TENM2: variants seen among roughly 807,000 people sequenced by gnomAD.
TENM2 encodes teneurin transmembrane protein 2.
TENM2 carries 52 observed loss-of-function variants against 245.2 expected under a neutral mutation model. The observed-to-expected ratio is 0.21, with a 90% CI of 0.17 to 0.27. The LOEUF (loss-of-function observed/expected upper bound fraction) is 0.27. TENM2 is among the 10% of genes least tolerant of loss of function. TENM2 has a pLI of 1.00. For missense variants in TENM2, 3,046 were observed against 3,666.8 expected (o/e 0.83, Z 4.37); for synonymous variants, 1,363 against 1,438.9 (o/e 0.95, Z 1.19).
chr5:167,313,007 A>G (rs1026001503), intron 1 of TENM2, among the ~76,000 whole-genome samples: 1 of 150,874 alleles, frequency 6.6e-6, no homozygotes, highest in Admixed American at 6.6e-5. Flanking sequence ...GGTTCAAGCA[A>G]TTCTCCCACC....
chr5:167,875,129 G>C (rs1449992476), intron 2 of TENM2, among the ~76,000 whole-genome samples: 1 of 152,208 alleles, frequency 6.6e-6, no homozygotes, highest in Admixed American at 6.5e-5. Flanking sequence ...CATTCAAAGA[G>C]TAGTAAGGGC....
chr5:168,050,456 A>G (rs1395036864), intron 6 of TENM2, among the ~76,000 whole-genome samples: 1 of 152,240 alleles, frequency 6.6e-6, no homozygotes, highest in Non-Finnish European at 1.5e-5. Context: ...ATATATTGGC[A>G]ATAAGTTAAT....
chr5:167,135,735 G>T, the TENM2 span, among the ~76,000 whole-genome samples: 1 of 152,112 alleles, frequency 6.6e-6, no homozygotes, highest in African/African-American at 2.4e-5. Flanking sequence ...GGCCGAGGTT[G>T]CAGTGAGCCG....
chr5:167,729,938 A>G (rs1760298536), intron 2 of TENM2, among the ~76,000 whole-genome samples: 1 of 152,244 alleles, frequency 6.6e-6, no homozygotes, highest in Admixed American at 6.5e-5. Flanking sequence ...CCTTTTTCTT[A>G]GAACAGGATT....
At chr5:168,099,643 G>A (rs1231542113) in intron 9 of TENM2, among the ~76,000 whole-genome samples, 1 of 152,130 alleles carries the variant, frequency 6.6e-6, no homozygotes, top group Non-Finnish European at 1.5e-5. Context: ...CATTAATAAA[G>A]CTGCTCTGTA....
chr5:167,237,158 G>A, the TENM2 span, among the ~76,000 whole-genome samples: 41 of 152,018 alleles, frequency 2.7e-4, no homozygotes, highest in Non-Finnish European at 4.3e-4. Context: ...ATTTTGATCC[G>A]CGCACCTGTA....
the TENM2 span, among the ~76,000 whole-genome samples, chr5:167,154,481 A>G: frequency 5.3e-5 from 8 of 152,324 alleles, no homozygotes; most frequent in East Asian, 1.5e-3. Flanking sequence ...TTACTGCAAA[A>G]TACATTTTTT....
At chr5:168,203,751 C>G (rs1562277580) in exon 18 of TENM2, 4 of 1,613,458 alleles carry the variant, frequency 2.5e-6, no homozygotes, top group Admixed American at 1.7e-5. Context: ...AAGGACAGCC[C>G]TCCTTCAGGG....
At chr5:167,714,543 C>G (rs1582822524) in intron 2 of TENM2, among the ~76,000 whole-genome samples, 1 of 152,186 alleles carries the variant, frequency 6.6e-6, no homozygotes, top group Admixed American at 6.5e-5. Context: ...CTGGGCTTCC[C>G]AAGCCTCTGA....
intron 2 of TENM2, among the ~76,000 whole-genome samples, chr5:167,611,624 A>G (rs993255716): frequency 4.6e-5 from 7 of 152,210 alleles, no homozygotes; most frequent in African/African-American, 9.6e-5. Context: ...TTTGGCTGCT[A>G]TAACACAATG....
intron 7 of TENM2, among the ~76,000 whole-genome samples, chr5:168,063,055 C>T (rs1790185601): frequency 6.6e-6 from 1 of 152,182 alleles, no homozygotes; most frequent in Non-Finnish European, 1.5e-5. Context: ...GCTAATATCC[C>T]AACCTGATGA....
At chr5:167,382,350 C>T (rs1761141481) in intron 2 of TENM2, among the ~76,000 whole-genome samples, 2 of 152,094 alleles carry the variant, frequency 1.3e-5, no homozygotes, top group South Asian at 4.2e-4. Context: ...TGCAGTGATA[C>T]ACGAAGACCT....
chr5:167,599,462 C>A (rs928745600), intron 2 of TENM2, among the ~76,000 whole-genome samples: 17 of 152,198 alleles, frequency 1.1e-4, no homozygotes, highest in African/African-American at 4.1e-4. Flanking sequence ...TATATCTGAA[C>A]AAATCACCAA....
intron 5 of TENM2, among the ~76,000 whole-genome samples, chr5:168,008,228 G>T (rs1784972938): frequency 6.6e-6 from 1 of 152,094 alleles, no homozygotes; most frequent in Non-Finnish European, 1.5e-5. Flanking sequence ...ATTCCAGATG[G>T]GGGAACTAGC....
At chr5:167,796,897 C>T (rs572504470) in intron 2 of TENM2, among the ~76,000 whole-genome samples, 1 of 152,052 alleles carries the variant, frequency 6.6e-6, no homozygotes, top group African/African-American at 2.4e-5. Flanking sequence ...TCAGGCATGT[C>T]CTCCTTGAGG....
rs541772960 is a variant in TENM2, at chr5:167,661,728, A to ATAAT, written c.503-214255_503-214252dup. On this transcript the variant is annotated intron_variant, in intron 2 of 28. Coordinates refer to ENST00000518659, the Ensembl canonical transcript of TENM2. ...TCACTTCACCTCCGAGCGCAGGGGT[A>ATAAT]TAATTAGCTTCAGGCTTGCCTAGAG... 1.9e-3 allele frequency among the ~76,000 whole-genome samples: 294 copies of ATAAT among 151,786 alleles called. 4 individuals carry two copies. The highest frequency in any genetic ancestry group is 6.8e-3 in the African/African-American group (284 of 41,548).
intron 12 of TENM2, among the ~76,000 whole-genome samples, chr5:168,155,893 A>T (rs1757112804): frequency 2.0e-3 from 1 of 500 alleles, no homozygotes; most frequent in South Asian, 0.045. Flanking sequence ...TGGCATCTGT[A>T]AAAAAAAAAA....
intron 7 of TENM2, among the ~76,000 whole-genome samples, chr5:168,086,421 C>G (rs1792462332): frequency 6.6e-6 from 1 of 152,184 alleles, no homozygotes; most frequent in Non-Finnish European, 1.5e-5. Context: ...ACTGATGACT[C>G]AAAGGCACAG....
intron 5 of TENM2, among the ~76,000 whole-genome samples, chr5:168,033,462 T>TA (rs1787307593): frequency 6.6e-6 from 1 of 152,190 alleles, no homozygotes; most frequent in Admixed American, 6.5e-5. Flanking sequence ...GATTTTTTTT[T>TA]AATGATCAAT....
Sources: gnomAD v4.1 joint callset for allele counts (sites outside exome capture counted in the v4.1 genomes callset) on GRCh38, gnomAD v4.1.1 for gene constraint, MANE v1.5 for transcripts, NCBI Gene and HGNC (gene_info 2026-07-23, HGNC 2026-07-21) for gene names.